Variants in ZNF548 observed in about 807,000 individuals in gnomAD.
ZNF548 encodes the protein zinc finger protein 548.
Under a neutral mutation model 10.2 loss-of-function variants are expected in ZNF548, and 10 were observed. The ratio of observed to expected loss-of-function variants is 0.98; its 90% CI spans 0.60 to 1.66. The LOEUF (loss-of-function observed/expected upper bound fraction) is 1.66. Among genes scored for constraint, ZNF548 ranks in the 40% most tolerant of loss-of-function variants. ZNF548 has a pLI of 0.00. For synonymous variants in ZNF548, 217 were observed against 223.5 expected (o/e 0.97, Z 0.26); for missense variants, 599 against 657.0 (o/e 0.91, Z 0.97).
At chr19:57,394,362 T>C (rs766562346) in intron 2 of ZNF548, 139 bp downstream of exon 2, 2 of 892,268 alleles carry the variant, frequency 2.2e-6, no homozygotes, top group Admixed American at 2.7e-5. Context: ...GTATTACAAG[T>C]TGGCTGCTGG....
intron 1 of ZNF548, chr19:57,393,912 G>GAT: frequency 1.9e-6 from 1 of 520,092 alleles, no homozygotes; most frequent in Admixed American, 3.9e-5. Flanking sequence ...CATAGCCGCT[G>GAT]ATATATATAG....
At position 57,395,713 on chromosome 19, in the gene ZNF548, A is replaced by T. The variant is rs2088660122; in HGVS notation, c.52-1335A>T. ...CCCTCCCCTGACACGTGGGGATTAC[A>T]ATTTGACATGAGATTTGGGTGGGGA... On this transcript the variant is annotated intron_variant, in intron 2 of 3. Coordinates refer to ENST00000336128, the MANE Select transcript of ZNF548 (RefSeq NM_001172773.2). This position sits in a 1 kb window ranked among gnomAD's most constrained non-coding sequence, Gnocchi z 4.8. Among the ~76,000 whole-genome samples, 1 of 152,182 alleles carries T rather than the reference A, an allele frequency of 6.6e-6. No individual in the cohort carries two copies. The highest frequency in any genetic ancestry group is 6.5e-5 in the Admixed American group (1 of 15,282).
chr19:57,400,004 T>C lies in ZNF548; in HGVS notation c.*115T>C. On this transcript the variant is annotated 3_prime_UTR_variant, in exon 4 of 4. Transcript: ENST00000336128. ...TGCTGTACCCATTAACAACAACTCA[T>C]TCCCCTTCCCTACTTCCCCAGAAAT... 2 of 775,014 alleles carry C rather than the reference T, an allele frequency of 2.6e-6. No individual in the cohort carries two copies. The highest frequency in any genetic ancestry group is 4.0e-6 in the Non-Finnish European group (2 of 499,026). 48.0% of individuals were successfully genotyped at this position (775,014 alleles called of 1,614,324 possible).
intron 1 of ZNF548, 117 bp from the exon 2 acceptor site, chr19:57,394,071 T>C: frequency 8.8e-7 from 1 of 1,131,424 alleles, no homozygotes; most frequent in Non-Finnish European, 1.3e-6. Flanking sequence ...TGAGGAACTT[T>C]ATTCAATGAA....
chr19:57,396,670 A>ACC (rs1448015847), intron 2 of ZNF548, among the ~76,000 whole-genome samples: 1 of 152,362 alleles, frequency 6.6e-6, no homozygotes, highest in East Asian at 1.9e-4. Context: ...ATGGTGAGGC[A>ACC]CCAGATTTGG....
At chr19:57,398,395 C>A in intron 3 of ZNF548, 35 bp from the exon 4 acceptor site, 1 of 1,600,758 alleles carries the variant, frequency 6.2e-7, no homozygotes, top group South Asian at 1.1e-5. Flanking sequence ...CCACCAGAGT[C>A]AACATGCACT....
chr19:57,394,321 G>T, intron 2 of ZNF548, 98 bp downstream of exon 2: 1 of 1,288,756 alleles, frequency 7.8e-7, no homozygotes, highest in East Asian at 2.5e-5. Flanking sequence ...TCTTATGTCT[G>T]AAGGGTGAGT....
In ZNF548 at chr19:57,400,355, A is replaced by C. The variant is rs111816780; in HGVS notation, c.*466A>C. ...TATGAAGATGAGTGTACAAGTGTCT[A>C]TTCAAGATTCTACTTTCAATTCTTA... On this transcript the variant is annotated 3_prime_UTR_variant, in exon 4 of 4. Transcript: ENST00000336128. 2 of 158,960 alleles carry C rather than the reference A, an allele frequency of 1.3e-5. No individual in the cohort carries two copies. The highest frequency in any genetic ancestry group is 4.8e-5 in the African/African-American group (2 of 41,466). The allele number at this position is 158,960 out of a possible 1,614,324, so 9.8% of individuals were successfully genotyped here.
At chr19:57,393,610 A>G (rs940789428) in intron 1 of ZNF548, among the ~76,000 whole-genome samples, 2 of 148,734 alleles carry the variant, frequency 1.3e-5, no homozygotes, top group Non-Finnish European at 3.0e-5. Flanking sequence ...CAGTGAGCCA[A>G]GACCACGCCA....
chr19:57,399,107 G>A lies in ZNF548; in HGVS notation c.856G>A (p.Val286Ile). ...YNYRLMRHKR[V>I]HTGERPYECN... ...CTACCGACTCATGAGACATAAGCGA[G>A]TTCACACTGGAGAAAGGCCTTATGA... Residue 286 changes from valine to isoleucine, a missense_variant, in exon 4 of 4, where the codon GTT (valine) becomes ATT (isoleucine). Physicochemically the swap from Val to Ile is conservative, Grantham distance 29. Transcript: ENST00000336128. The surrounding 1 kb of genome is among the most constrained non-coding windows in gnomAD (Gnocchi z 4.0). 6.2e-7 allele frequency: 1 copy of A among 1,614,198 alleles called. No individual in the cohort carries two copies. The highest frequency in any genetic ancestry group is 1.3e-5 in the African/African-American group (1 of 75,032).
In ZNF548 at chr19:57,400,312, C is replaced by T. The variant is rs2088705180; in HGVS notation, c.*423C>T. On this transcript the variant is annotated 3_prime_UTR_variant, in exon 4 of 4. Transcript: ENST00000336128. Reference sequence around the variant, plus strand: ...TACTTGGGCTACTTCCACCTTTTGCCTATTGAAATAATGCTGCTATGAAGA... The same window carrying T: ...TACTTGGGCTACTTCCACCTTTTGCTTATTGAAATAATGCTGCTATGAAGA... 6.0e-6 allele frequency: 1 copy of T among 168,066 alleles called. No individual in the cohort carries two copies. Among genetic ancestry groups the T allele is most frequent in the Non-Finnish European group, 1.3e-5 (1 of 76,740 alleles). 10.4% of individuals were successfully genotyped at this position (168,066 alleles called of 1,614,324 possible). A position where few individuals can be genotyped will look rare whatever the true frequency, so the allele number is the denominator to read the frequency against.
Position 57,397,170 on chromosome 19 carries a change from A to G in ZNF548, c.174A>G (p.Ser58=). 1.4e-5 allele frequency: 22 copies of G among 1,605,548 alleles called. No homozygotes were observed. Among genetic ancestry groups the G allele is most frequent in the Non-Finnish European group, 1.9e-5 (22 of 1,175,320 alleles). Residue 58 remains serine, a synonymous_variant, in exon 3 of 4, where the codon TCA becomes TCG. Transcript: ENST00000336128. ...VMLENLALLS[S]LGSWHGAEDE... Reference sequence around the variant, plus strand: ...TGGAGAATTTGGCCCTTTTGTCCTCACTAGGTAAGGCCCTCACACTTGCCC... The same window carrying G: ...TGGAGAATTTGGCCCTTTTGTCCTCGCTAGGTAAGGCCCTCACACTTGCCC...
chr19:57,393,944 A>G (rs972191457), intron 1 of ZNF548: 3 of 593,218 alleles, frequency 5.1e-6, no homozygotes, highest in Non-Finnish European at 8.9e-6. Context: ...GATGTTTGAT[A>G]CTAATATGAG....
In ZNF548 at chr19:57,392,624, G is replaced by C. The variant is rs141459721; in HGVS notation, c.16-1564G>C. On this transcript the variant is annotated intron_variant, in intron 1 of 3. Transcript: ENST00000336128. ...ATGTGGCTTTATTTCTAGGAACTTT[G>C]TTCTGTTCCATTGATCTATGTGTCT... Among the ~76,000 whole-genome samples, 7 of 152,246 alleles carry C rather than the reference G, an allele frequency of 4.6e-5. No individual in the cohort carries two copies. The East Asian group carries it at 1.2e-3, about 25-fold the overall frequency.
chr19:57,393,016 TTGAC>T (rs897097780), intron 1 of ZNF548: 2 of 979,478 alleles, frequency 2.0e-6, no homozygotes, highest in African/African-American at 3.5e-5. Context: ...GCAGGCTTGG[TTGAC>T]CCTCAGGGCC....
rs1270678844 is a variant in ZNF548 at position 57,397,097 on chromosome 19, G to T, written c.101G>T (p.Trp34Leu). The T allele has an allele frequency of 4.3e-6, 7 of 1,613,370 alleles. No homozygotes were observed. Among genetic ancestry groups the T allele is most frequent in the Non-Finnish European group, 5.9e-6 (7 of 1,179,694 alleles). Residue 34 changes from tryptophan to leucine, a missense_variant, in exon 3 of 4, where the codon TGG becomes TTG. By Grantham distance (61) the Trp-to-Leu change is moderately conservative. Coordinates refer to ENST00000336128, the MANE Select transcript of ZNF548 (RefSeq NM_001172773.2). ...GCCATATATTTCTCCCAGGAGGAGT[G>T]GGGGCACCTTGATGAGGCTCAGAGA... ...DVAIYFSQEE[W>L]GHLDEAQRLL...
At position 57,399,154 on chromosome 19, in the gene ZNF548, C is replaced by A. The variant is rs772945529; in HGVS notation, c.903C>A (p.Phe301Leu). The change falls in exon 4 of 4, where the codon TTC becomes TTA. Residue 301 changes from phenylalanine to leucine, a missense_variant. Coordinates refer to ENST00000336128, the MANE Select transcript of ZNF548 (RefSeq NM_001172773.2). The surrounding 1 kb of genome is among the most constrained non-coding windows in gnomAD (Gnocchi z 4.0). ...RPYECNTCGK[F>L]FRYSSTFVRH... The stretch of plus-strand genomic sequence containing the variant: ...ATGAGTGCAACACATGTGGGAAATT[C>A]TTTCGGTACAGCTCCACATTTGTTA... 2 of 1,612,316 alleles carry A rather than the reference C, an allele frequency of 1.2e-6. No homozygotes were observed. Among genetic ancestry groups the A allele is most frequent in the East Asian group, 2.2e-5 (1 of 44,766 alleles).
At chr19:57,390,492 T>C (rs916658501) in intron 1 of ZNF548, 7 of 207,212 alleles carry the variant, frequency 3.4e-5, no homozygotes, top group South Asian at 1.4e-4. Flanking sequence ...AGGTTAGGAA[T>C]GGACACAGGG....
Position 57,398,805 on chromosome 19 carries a change from G to A in ZNF548, c.554G>A (p.Gly185Asp), listed in dbSNP as rs1240256751. 5 of 1,614,010 alleles carry A rather than the reference G, an allele frequency of 3.1e-6. No individual in the cohort carries two copies. Among genetic ancestry groups the A allele is most frequent in the East Asian group, 2.2e-5 (1 of 44,874 alleles). The change falls in exon 4 of 4, where the codon GGC becomes GAC. Residue 185 changes from glycine (G) to aspartate (D), a missense_variant. Gly to Asp is a moderately conservative substitution (Grantham distance 94). Transcript: ENST00000336128. ...ACCTCATGCCTTCTCCAGCACCAGG[G>A]CCCTCAAAGCGAGTGGAAGCCATAC... The part of the protein sequence containing the change: ...PATSCLLQHQ[G>D]PQSEWKPYRD...
Sources: allele counts gnomAD v4.1 joint callset (sites outside exome capture counted in the v4.1 genomes callset), GRCh38; gene constraint gnomAD v4.1.1; non-coding constraint Gnocchi (gnomAD v3.1); transcripts MANE v1.5; gene names NCBI Gene and HGNC (gene_info 2026-07-23, HGNC 2026-07-21).